The following SPAG16 variants were observed in gnomAD, a reference collection of about 807,000 sequenced individuals.
SPAG16 encodes the protein sperm-associated antigen 16 protein.
SPAG16 carries 86 observed loss-of-function variants against 80.4 expected under a neutral mutation model. That is an observed-to-expected ratio of 1.07 (90% CI 0.90 to 1.28). The LOEUF is 1.28. Ranked by LOEUF, SPAG16 falls within the 50% of genes most tolerant of loss-of-function variation. The pLI is 0.00. For synonymous variants in SPAG16, 294 were observed against 265.9 expected, an observed-to-expected ratio of 1.11 and a Z score of -1.03; for missense variants, 870 against 765.3, an observed-to-expected ratio of 1.14 and a Z score of -1.61.
At chr2:214,072,504 A>G (rs1226699730) in intron 13 of SPAG16, among the ~76,000 whole-genome samples, 1 of 152,146 alleles carries the variant, frequency 6.6e-6, no homozygotes, top group African/African-American at 2.4e-5. Flanking sequence ...ATTTTTCTTC[A>G]GCTATATACC....
chr2:214,319,601 G>C (rs1695960138), intron 15 of SPAG16, among the ~76,000 whole-genome samples: 1 of 152,072 alleles, frequency 6.6e-6, no homozygotes, highest in African/African-American at 2.4e-5. Context: ...GCCAAGGCTG[G>C]GTGACAGAGA....
At chr2:214,408,137 C>T (rs1702102338) in intron 15 of SPAG16, among the ~76,000 whole-genome samples, 1 of 152,098 alleles carries the variant, frequency 6.6e-6, no homozygotes, top group Admixed American at 6.6e-5. Context: ...TCAGAAATTA[C>T]CAGAGCCTTC....
intron 10 of SPAG16, among the ~76,000 whole-genome samples, chr2:213,574,750 T>C (rs1306942353): frequency 1.3e-5 from 2 of 149,654 alleles, no homozygotes; most frequent in Non-Finnish European, 3.0e-5. Context: ...TGGTCATCTT[T>C]ATTTTTCTCT....
chr2:214,135,657 C>G (rs1420492010), intron 14 of SPAG16, among the ~76,000 whole-genome samples: 1 of 152,026 alleles, frequency 6.6e-6, no homozygotes, highest in East Asian at 1.9e-4. Context: ...ACTCTTATTT[C>G]CCACAAGAGC....
At chr2:213,606,267 A>C (rs187603567) in intron 10 of SPAG16, among the ~76,000 whole-genome samples, 1 of 152,332 alleles carries the variant, frequency 6.6e-6, no homozygotes, top group East Asian at 1.9e-4. Context: ...ACATTCGTGT[A>C]TGAGTCTTTT....
In SPAG16 at chr2:214,013,970, T is replaced by C; in HGVS notation, c.1420T>C (p.Leu474=). The part of the protein sequence containing the change: ...DVNSERCRCT[L]YGHTDSVNSI... ...TTATAGTGAAAGATGCAGATGTACT[T>C]TGTATGGACATACAGATTCTGTGAA... Residue 474 remains leucine (L), a synonymous_variant, in exon 13 of 16, where the codon TTG becomes CTG. Transcript: ENST00000331683. The C allele has an allele frequency of 6.2e-7, 1 of 1,613,426 alleles. No homozygotes were observed. Among genetic ancestry groups the C allele is most frequent in the Admixed American group, 1.7e-5 (1 of 60,006 alleles).
At chr2:213,958,001 A>T (rs1464359972) in intron 12 of SPAG16, among the ~76,000 whole-genome samples, 1 of 152,204 alleles carries the variant, frequency 6.6e-6, no homozygotes, top group African/African-American at 2.4e-5. Context: ...AAAGCCCATT[A>T]GATAACCAGA....
chr2:214,166,638 A>T (rs2056667514), intron 15 of SPAG16, among the ~76,000 whole-genome samples: 1 of 152,020 alleles, frequency 6.6e-6, no homozygotes, highest in Non-Finnish European at 1.5e-5. Flanking sequence ...TAGTCCCTTC[A>T]TTAATAAGTC....
chr2:214,311,035 G>A (rs1695262799), intron 15 of SPAG16, among the ~76,000 whole-genome samples: 1 of 152,170 alleles, frequency 6.6e-6, no homozygotes, highest in East Asian at 1.9e-4. Flanking sequence ...AACAGGAAAG[G>A]CCTTGGCTAC....
At chr2:213,481,598 G>C (rs2073752416) in intron 9 of SPAG16, among the ~76,000 whole-genome samples, 1 of 152,142 alleles carries the variant, frequency 6.6e-6, no homozygotes, top group Admixed American at 6.5e-5. Flanking sequence ...ATTTTGTTTA[G>C]CCTCTGTTTA....
At chr2:213,953,196 C>G (rs889167289) in intron 12 of SPAG16, among the ~76,000 whole-genome samples, 15 of 151,820 alleles carry the variant, frequency 9.9e-5, no homozygotes, top group African/African-American at 3.6e-4. Context: ...TCCCCCAAAA[C>G]TTAGAAAATA....
chr2:214,410,198 T>G lies in SPAG16; in HGVS notation c.1779T>G (p.Ser593=). ...NGVIHLLDLK[S]GEIHKLMGHE... is the part of the protein sequence containing the mutation. ...TTATCCATTTGCTAGATCTTAAATCTGGGGAGATTCACAAATTGATGGGCC... is the reference window on the plus strand; with the variant it reads ...TTATCCATTTGCTAGATCTTAAATCGGGGGAGATTCACAAATTGATGGGCC... Residue 593 remains serine, a synonymous_variant, in exon 16 of 16, where the codon TCT becomes TCG. Transcript: ENST00000331683. 6.8e-6 allele frequency: 11 copies of G among 1,613,792 alleles called. No homozygotes were observed. Among genetic ancestry groups the G allele is most frequent in the South Asian group, 1.1e-5 (1 of 91,082 alleles).
intron 11 of SPAG16, among the ~76,000 whole-genome samples, chr2:213,874,892 A>G (rs537169345): frequency 4.6e-5 from 7 of 152,280 alleles, no homozygotes; most frequent in Non-Finnish European, 1.0e-4. Flanking sequence ...TGGGATGACC[A>G]TACATCTAGG....
chr2:213,421,284 A>G (rs2069568679), intron 9 of SPAG16, among the ~76,000 whole-genome samples: 1 of 152,046 alleles, frequency 6.6e-6, no homozygotes, highest in African/African-American at 2.4e-5. Context: ...GTTGCAACCC[A>G]GCCAGGTGTG....
At chr2:214,250,971 C>T (rs1030337668) in intron 15 of SPAG16, among the ~76,000 whole-genome samples, 11 of 151,260 alleles carry the variant, frequency 7.3e-5, no homozygotes, top group African/African-American at 2.7e-4. Flanking sequence ...TAGCTTCAAA[C>T]TACCTTTGCC....
chr2:213,828,352 A>T (rs1340407466), intron 10 of SPAG16, among the ~76,000 whole-genome samples: 1 of 152,138 alleles, frequency 6.6e-6, no homozygotes, highest in African/African-American at 2.4e-5. Flanking sequence ...TTTCAACTCC[A>T]GAATTTCTTC....
chr2:214,364,313 A>T (rs1699351512), intron 15 of SPAG16, among the ~76,000 whole-genome samples: 1 of 152,222 alleles, frequency 6.6e-6, no homozygotes, highest in Admixed American at 6.5e-5. Context: ...AATGTCCTTC[A>T]TTTGTTGTAC....
chr2:213,491,718 G>A (rs2074243225), intron 10 of SPAG16, among the ~76,000 whole-genome samples: 1 of 152,184 alleles, frequency 6.6e-6, no homozygotes, highest in African/African-American at 2.4e-5. Flanking sequence ...AAATGAAAAT[G>A]TGGAGAAGAA....
At chr2:214,181,171 G>A (rs2057296491) in intron 15 of SPAG16, among the ~76,000 whole-genome samples, 1 of 151,824 alleles carries the variant, frequency 6.6e-6, no homozygotes, top group Admixed American at 6.6e-5. Context: ...GAGAACATCT[G>A]AGAAGAAAGA....
Sources: gnomAD v4.1 joint callset for allele counts (sites outside exome capture counted in the v4.1 genomes callset) on GRCh38, gnomAD v4.1.1 for gene constraint, MANE v1.5 for transcripts, NCBI Gene and HGNC (gene_info 2026-07-23, HGNC 2026-07-21) for gene names.